Variants in C2orf49 observed in about 807,000 individuals in gnomAD.
The protein encoded by C2orf49 is tRNA splicing ligase complex subunit 2, also known as tRNA-splicing ligase complex subunit ASW.
C2orf49 carries 11 observed loss-of-function variants against 20.6 expected under a neutral mutation model. The ratio of observed to expected loss-of-function variants is 0.53; its 90% CI spans 0.34 to 0.88. C2orf49 has a LOEUF of 0.88. C2orf49 is among the 40% of genes least tolerant of loss of function. The pLI, the probability that C2orf49 is intolerant of heterozygous loss-of-function variation, is 0.02. For missense variants in C2orf49, 289 were observed against 274.2 expected, an observed-to-expected ratio of 1.05 and a Z score of -0.38; for synonymous variants, 134 against 108.5, an observed-to-expected ratio of 1.24 and a Z score of -1.46.
chr2:105,370,679 G>T, the C2orf49 span, among the ~76,000 whole-genome samples: 1 of 152,124 alleles, frequency 6.6e-6, no homozygotes, highest in East Asian at 1.9e-4. Flanking sequence ...ATCTTGAATG[G>T]GTTCTAACAC....
At chr2:105,378,526 G>A in the C2orf49 span, 1 of 180,362 alleles carries the variant, frequency 5.5e-6, no homozygotes, top group Non-Finnish European at 1.2e-5. Flanking sequence ...CATCCCATTC[G>A]GGTTGGGGCA....
chr2:105,365,674 CA>C, the C2orf49 span, among the ~76,000 whole-genome samples: 2,070 of 71,590 alleles, frequency 0.029, 19 homozygotes, highest in African/African-American at 0.084. Flanking sequence ...GTCTCTACTA[CA>C]AAAAAAAAAA....
chr2:105,345,320 C>T lies in C2orf49; in HGVS notation c.648C>T (p.Asn216=). 6.2e-7 allele frequency: 1 copy of T among 1,612,110 alleles called. No individual in the cohort carries two copies. The highest frequency in any genetic ancestry group is 1.1e-5 in the South Asian group (1 of 90,334). Reference sequence around the variant, plus strand: ...TTTCTGTTCATGTCTTTCAGAATAACCTGAAGCCCCCACAAGCAAAAAGGA... The same window carrying T: ...TTTCTGTTCATGTCTTTCAGAATAATCTGAAGCCCCCACAAGCAAAAAGGA... The part of the protein sequence containing the change: ...APKEEAEAMN[N]LKPPQAKRKI... The change falls in exon 4 of 4, where the codon AAC becomes AAT. Residue 216 remains asparagine (N), a synonymous_variant. Coordinates refer to ENST00000258457, the MANE Select transcript of C2orf49 (RefSeq NM_024093.3).
chr2:105,345,571 C>T lies in C2orf49; in HGVS notation c.*200C>T. The T allele has an allele frequency of 5.0e-6, 3 of 596,782 alleles. No individual in the cohort carries two copies. Among genetic ancestry groups the T allele is most frequent in the Non-Finnish European group, 9.0e-6 (3 of 335,128 alleles). The allele number at this position is 596,782 out of a possible 1,614,324, so 37.0% of individuals were successfully genotyped here. ...TTTTTTAAAATTCTTGCCTGTCTTG[C>T]CCTGATTAGGAAAGAATATCTTTTT... is the stretch of plus-strand genomic sequence containing the variant. On this transcript the variant is annotated 3_prime_UTR_variant, in exon 4 of 4. Coordinates refer to ENST00000258457, the MANE Select transcript of C2orf49 (RefSeq NM_024093.3).
At chr2:105,363,363 C>T in the C2orf49 span, 10 of 1,614,182 alleles carry the variant, frequency 6.2e-6, no homozygotes, top group South Asian at 2.2e-5. Flanking sequence ...GCAAAGTCAT[C>T]GCGAGCTGTG....
chr2:105,345,221 C>A, intron 3 of C2orf49, 94 bp from the exon 4 acceptor site: 1 of 1,088,282 alleles, frequency 9.2e-7, no homozygotes, highest in Non-Finnish European at 1.4e-6. Context: ...TCCATTAATA[C>A]ATTAATAGTA....
At chr2:105,359,016 C>T in the C2orf49 span, 10 of 152,112 alleles carry the variant, frequency 6.6e-5, no homozygotes, top group African/African-American at 2.4e-4. Context: ...GATAAAAGGC[C>T]GAAACAGGAA....
At chr2:105,370,151 T>C in the C2orf49 span, among the ~76,000 whole-genome samples, 1 of 151,808 alleles carries the variant, frequency 6.6e-6, no homozygotes, top group Admixed American at 6.6e-5. Flanking sequence ...AGGCGGGAGA[T>C]CTCTTGAGCC....
chr2:105,350,445 A>T (rs924233806), downstream of C2orf49, among the ~76,000 whole-genome samples: 1 of 152,226 alleles, frequency 6.6e-6, no homozygotes, highest in Non-Finnish European at 1.5e-5. Context: ...GCTGTTTGTT[A>T]ACTCTGTTGA....
the C2orf49 span, among the ~76,000 whole-genome samples, chr2:105,371,820 G>A: frequency 0.075 from 11,376 of 152,190 alleles, 453 homozygotes; most frequent in Middle Eastern, 0.11. Flanking sequence ...AATTAATGTC[G>A]TGGTTCTTAT....
chr2:105,363,122 G>C, the C2orf49 span: 1 of 636,012 alleles, frequency 1.6e-6, no homozygotes, highest in Non-Finnish European at 2.8e-6. Flanking sequence ...AGCATAGCCA[G>C]TGCACCAAGG....
At chr2:105,375,863 T>G in the C2orf49 span, 10 of 152,302 alleles carry the variant, frequency 6.6e-5, no homozygotes, top group Non-Finnish European at 1.5e-4. Flanking sequence ...CTTTTGTATT[T>G]TTAGCTTAAA....
At chr2:105,378,085 T>TC in the C2orf49 span, 1 of 470,332 alleles carries the variant, frequency 2.1e-6, no homozygotes, top group South Asian at 1.6e-5. Flanking sequence ...GGTCATTAAG[T>TC]CCCCAGATGG....
At chr2:105,372,930 A>G in the C2orf49 span, among the ~76,000 whole-genome samples, 3 of 152,214 alleles carry the variant, frequency 2.0e-5, no homozygotes, top group African/African-American at 7.2e-5. Context: ...GCTCTCCTAC[A>G]TAAAAAACAA....
the C2orf49 span, chr2:105,377,914 C>T: frequency 5.2e-4 from 205 of 390,552 alleles, no homozygotes; most frequent in African/African-American, 3.2e-3. Flanking sequence ...GGAGGCATTA[C>T]GCCCAGAGGG....
chr2:105,385,405 C>T, the C2orf49 span, among the ~76,000 whole-genome samples: 1 of 152,172 alleles, frequency 6.6e-6, no homozygotes, highest in Non-Finnish European at 1.5e-5. Flanking sequence ...AATCAGTCAG[C>T]GGCAATGTGC....
the C2orf49 span, chr2:105,359,170 G>A: frequency 6.6e-6 from 1 of 151,872 alleles, no homozygotes; most frequent in African/African-American, 2.4e-5. Flanking sequence ...TAGTCCAATT[G>A]GAGCTATTTA....
chr2:105,363,482 G>A, the C2orf49 span: 20 of 1,596,326 alleles, frequency 1.3e-5, no homozygotes, highest in South Asian at 5.7e-5. Flanking sequence ...CTGCAGGGAC[G>A]AGGGGGAGAG....
chr2:105,384,736 G>A, the C2orf49 span, among the ~76,000 whole-genome samples: 6 of 152,290 alleles, frequency 3.9e-5, no homozygotes, highest in East Asian at 5.8e-4. Flanking sequence ...TCGAACTCCC[G>A]GCCTCAATTG....
Sources: allele counts gnomAD v4.1 joint callset (sites outside exome capture counted in the v4.1 genomes callset), GRCh38; gene constraint gnomAD v4.1.1; transcripts MANE v1.5; gene names NCBI Gene and HGNC (gene_info 2026-07-23, HGNC 2026-07-21).